EMC2: variants seen among roughly 807,000 people sequenced by gnomAD.
EMC2 encodes the protein ER membrane protein complex subunit 2.
A neutral mutation model predicts 51.6 loss-of-function variants in EMC2; 37 were observed. That is an observed-to-expected ratio of 0.72 (90% CI 0.55 to 0.94). The LOEUF is 0.94. Ranked by LOEUF, EMC2 falls within the 40% of genes least tolerant of loss-of-function variation. EMC2 has a pLI of 0.00. For missense variants in EMC2, 359 were observed against 350.9 expected, an observed-to-expected ratio of 1.02 and a Z score of -0.18; for synonymous variants, 131 against 112.4, an observed-to-expected ratio of 1.17 and a Z score of -1.04.
At chr8:108,484,580 AT>A (rs971369636) in intron 10 of EMC2, among the ~76,000 whole-genome samples, 5 of 151,978 alleles carry the variant, frequency 3.3e-5, no homozygotes, top group African/African-American at 1.2e-4. Context: ...GCTCTACATA[AT>A]TTTTTTTATT....
chr8:108,448,086 G>GT (rs1161620257), intron 1 of EMC2, among the ~76,000 whole-genome samples: 4 of 152,006 alleles, frequency 2.6e-5, no homozygotes, highest in Non-Finnish European at 4.4e-5. Flanking sequence ...TGAAGAACTG[G>GT]TAAGTGTATA....
intron 6 of EMC2, 62 bp from the exon 7 acceptor site, chr8:108,470,000 T>TTTCATGCTGTTCATTTACAGAA: frequency 6.5e-7 from 1 of 1,549,120 alleles, no homozygotes; most frequent in South Asian, 1.1e-5. Flanking sequence ...TCCTGTTTGT[T>TTTCATGCTGTTCATTTACAGAA]TTCATGCTGT....
intron 3 of EMC2, among the ~76,000 whole-genome samples, chr8:108,452,721 A>G (rs1304323596): frequency 6.6e-6 from 1 of 152,222 alleles, no homozygotes; most frequent in Non-Finnish European, 1.5e-5. Context: ...AGAAAACGCC[A>G]GGCGCTGTTG....
intron 4 of EMC2, among the ~76,000 whole-genome samples, chr8:108,455,168 T>C (rs146771130): frequency 8.7e-4 from 132 of 152,220 alleles, no homozygotes; most frequent in Non-Finnish European, 1.5e-3. Flanking sequence ...TTTCTTTCTT[T>C]TTTCCCTTCT....
At chr8:108,473,504 C>A (rs1351873147) in intron 7 of EMC2, among the ~76,000 whole-genome samples, 2 of 151,982 alleles carry the variant, frequency 1.3e-5, no homozygotes, top group Non-Finnish European at 2.9e-5. Flanking sequence ...TTAAGGGATA[C>A]CCAACCTTTG....
At chr8:108,481,825 A>G (rs1056216294) in intron 10 of EMC2, among the ~76,000 whole-genome samples, 1 of 152,124 alleles carries the variant, frequency 6.6e-6, no homozygotes, top group African/African-American at 2.4e-5. Context: ...TTTGTCTTGC[A>G]TATTTCTATC....
intron 10 of EMC2, among the ~76,000 whole-genome samples, chr8:108,485,609 C>T (rs1811125097): frequency 6.8e-6 from 1 of 146,268 alleles, no homozygotes. Context: ...CATCAAGGAA[C>T]ACTTACTTAT....
chr8:108,446,059 C>A (rs756193795), intron 1 of EMC2: 6 of 153,382 alleles, frequency 3.9e-5, no homozygotes, highest in Non-Finnish European at 5.8e-5. Context: ...TGTATAATTT[C>A]ACTATCTGAA....
intron 1 of EMC2, among the ~76,000 whole-genome samples, chr8:108,447,151 CA>C (rs1165729073): frequency 6.6e-6 from 1 of 152,022 alleles, no homozygotes; most frequent in Non-Finnish European, 1.5e-5. Context: ...GTTGCATTTA[CA>C]AAGGATTCTA....
rs368678896 is a variant in EMC2 at position 108,443,636 on chromosome 8, C to T, written c.-23C>T. 326 of 1,603,480 alleles carry T rather than the reference C, an allele frequency of 2.0e-4. 1 individual carries two copies. Among genetic ancestry groups the T allele is most frequent in the Non-Finnish European group, 2.6e-4 (305 of 1,174,848 alleles). On this transcript the variant is annotated 5_prime_UTR_variant, in exon 1 of 11. Transcript: ENST00000220853. ...ACTGCGTCTCCCCGCCCTCTCACCCCGCTGCCTCTAGGTTCTGGGAAGATG... is the reference window on the plus strand; with the variant it reads ...ACTGCGTCTCCCCGCCCTCTCACCCTGCTGCCTCTAGGTTCTGGGAAGATG...
chr8:108,443,737 C>T, intron 1 of EMC2, 39 bp downstream of exon 1: 1 of 1,574,214 alleles, frequency 6.4e-7, no homozygotes, highest in Non-Finnish European at 8.7e-7. Context: ...AGACTAAAAG[C>T]GCTGGGAAGC....
chr8:108,465,745 G>A (rs1201383445), intron 5 of EMC2, among the ~76,000 whole-genome samples: 1 of 152,040 alleles, frequency 6.6e-6, no homozygotes, highest in Admixed American at 6.5e-5. Flanking sequence ...AACTTTGTGA[G>A]GTCAAAAAAT....
chr8:108,464,933 C>T (rs768062630), intron 5 of EMC2, among the ~76,000 whole-genome samples: 15 of 152,182 alleles, frequency 9.9e-5, no homozygotes, highest in South Asian at 6.2e-4. Flanking sequence ...CCTGGATTCT[C>T]CTTTCCTTTT....
At chr8:108,457,340 G>A (rs1819193645) in intron 5 of EMC2, among the ~76,000 whole-genome samples, 1 of 55,946 alleles carries the variant, frequency 1.8e-5, no homozygotes, top group Admixed American at 2.1e-4. Context: ...GCGTGTGTGT[G>A]TGTGTGTGTG....
chr8:108,457,282 CTTTT>C (rs1819188700), intron 5 of EMC2, among the ~76,000 whole-genome samples: 1 of 148,628 alleles, frequency 6.7e-6, no homozygotes, highest in African/African-American at 2.5e-5. Context: ...TTTTGTTTTT[CTTTT>C]TGAGTGGGTG....
intron 1 of EMC2, among the ~76,000 whole-genome samples, chr8:108,446,997 G>A (rs946530876): frequency 3.9e-5 from 6 of 152,030 alleles, no homozygotes; most frequent in African/African-American, 7.2e-5. Context: ...TCAGACTGCC[G>A]TTCTTAGAAG....
chr8:108,445,980 C>T (rs1818869524), intron 1 of EMC2, among the ~76,000 whole-genome samples: 1 of 152,162 alleles, frequency 6.6e-6, no homozygotes, highest in Non-Finnish European at 1.5e-5. Flanking sequence ...CCTTCTCTGA[C>T]CACCCTTTCC....
intron 10 of EMC2, among the ~76,000 whole-genome samples, chr8:108,479,565 T>C (rs1011723855): frequency 6.6e-5 from 10 of 152,150 alleles, no homozygotes; most frequent in African/African-American, 2.4e-4. Context: ...AACTTCTCCA[T>C]TTGTATCTTA....
chr8:108,452,381 A>T (rs568310714), intron 3 of EMC2, among the ~76,000 whole-genome samples: 1 of 152,284 alleles, frequency 6.6e-6, no homozygotes, highest in South Asian at 2.1e-4. Context: ...AGGCTGGCCA[A>T]CATGTTGAAA....
Sources: allele counts gnomAD v4.1 joint callset (sites outside exome capture counted in the v4.1 genomes callset), GRCh38; gene constraint gnomAD v4.1.1; transcripts MANE v1.5; gene names NCBI Gene and HGNC (gene_info 2026-07-23, HGNC 2026-07-21).